The following ALG12 variants were observed in gnomAD, a reference collection of about 807,000 sequenced individuals.
ALG12 encodes the protein ALG12 alpha-1,6-mannosyltransferase.
ALG12 carries 36 observed loss-of-function variants against 46.0 expected under a neutral mutation model. The ratio of observed to expected loss-of-function variants is 0.78; its 90% confidence interval spans 0.60 to 1.03. ALG12 has a LOEUF of 1.03. Among genes scored for constraint, ALG12 ranks in the 50% least tolerant of loss-of-function variants. ALG12 has a pLI of 0.00. For missense variants in ALG12, 599 were observed against 633.5 expected (o/e 0.95, Z 0.58); for synonymous variants, 326 against 291.6 (o/e 1.12, Z -1.20).
chr22:49,875,418 C>CTTTTTTTTTTTTTTTTTTTTT, the ALG12 span, among the ~76,000 whole-genome samples: 2 of 145,174 alleles, frequency 1.4e-5, no homozygotes, highest in Non-Finnish European at 1.5e-5. Flanking sequence ...AATTTATTTT[C>CTTTTTTTTTTTTTTTTTTTTT]TTTTTTTTTT....
the ALG12 span, among the ~76,000 whole-genome samples, chr22:49,882,803 G>C: frequency 1.3e-5 from 2 of 152,228 alleles, no homozygotes; most frequent in Non-Finnish European, 2.9e-5. Context: ...GGCTGGAAGC[G>C]GTTTTCACCC....
downstream of ALG12, among the ~76,000 whole-genome samples, chr22:49,898,388 G>C (rs1387189301): frequency 6.6e-6 from 1 of 150,752 alleles, no homozygotes. Context: ...TCTCTTGAGT[G>C]ATTTTTTTCT....
chr22:49,913,851 A>G lies in ALG12; in HGVS notation c.-78-8T>C. The G allele has an allele frequency of 6.4e-7, 1 of 1,568,234 alleles. No homozygotes were observed. The highest frequency in any genetic ancestry group is 8.7e-7 in the Non-Finnish European group (1 of 1,147,944). The stretch of plus-strand genomic sequence containing the variant: ...ACTGCCACTCCACGCATGCTGGAAA[A>G]GTGGAAACAGATTCCTGAGGTTCGA... On this transcript the variant is annotated splice_region_variant and splice_polypyrimidine_tract_variant and intron_variant, in intron 1 of 9. Transcript: ENST00000330817.
At chr22:49,893,030 A>G in the ALG12 span, among the ~76,000 whole-genome samples, 1 of 152,244 alleles carries the variant, frequency 6.6e-6, no homozygotes, top group African/African-American at 2.4e-5. Context: ...GCTAATGCTG[A>G]AAAACACAAC....
In ALG12 at chr22:49,913,770, G is replaced by A. The variant is rs1245885071; in HGVS notation, c.-5C>T. The A allele has an allele frequency of 1.2e-6, 2 of 1,613,154 alleles. No homozygotes were observed. The highest frequency in any genetic ancestry group is 1.7e-6 in the Non-Finnish European group (2 of 1,180,036). On this transcript the variant is annotated 5_prime_UTR_variant, in exon 2 of 10. Coordinates refer to ENST00000330817, the MANE Select transcript of ALG12 (RefSeq NM_024105.4). ...TGATGACCCCTTTCCAGCCATTCCA[G>A]GCTTTCAGCTTCACGTACCTTCACA... is the stretch of plus-strand genomic sequence containing the variant.
chr22:49,889,594 T>TA, the ALG12 span: 1 of 167,144 alleles, frequency 6.0e-6, no homozygotes, highest in Non-Finnish European at 1.5e-5. Flanking sequence ...CAACAGAAAA[T>TA]ATGGCCCTTC....
chr22:49,910,731 G>T, intron 3 of ALG12, 124 bp from the exon 4 acceptor site: 1 of 1,180,442 alleles, frequency 8.5e-7, no homozygotes, highest in Non-Finnish European at 1.2e-6. Context: ...AATGCCAGCT[G>T]ACGGCTACGT....
chr22:49,916,954 G>A (rs2060613722), intron 1 of ALG12, among the ~76,000 whole-genome samples: 1 of 152,182 alleles, frequency 6.6e-6, no homozygotes, highest in African/African-American at 2.4e-5. Context: ...AACATTACGT[G>A]CTGACTCTGA....
the ALG12 span, among the ~76,000 whole-genome samples, chr22:49,869,343 T>A: frequency 6.6e-6 from 1 of 152,208 alleles, no homozygotes; most frequent in African/African-American, 2.4e-5. Context: ...GCCTACCTCG[T>A]ACCCGCGTGG....
chr22:49,883,463 A>G, the ALG12 span: 1 of 639,920 alleles, frequency 1.6e-6, no homozygotes, highest in Non-Finnish European at 2.4e-6. Context: ...ACTCTTGGAA[A>G]GCAGTGATCT....
intron 1 of ALG12, among the ~76,000 whole-genome samples, chr22:49,914,176 G>A (rs2060597321): frequency 6.6e-6 from 1 of 152,218 alleles, no homozygotes; most frequent in Non-Finnish European, 1.5e-5. Context: ...TCTGGCAGGA[G>A]AGTCAGCAAA....
At chr22:49,875,490 G>A in the ALG12 span, among the ~76,000 whole-genome samples, 1 of 146,924 alleles carries the variant, frequency 6.8e-6, no homozygotes, top group Non-Finnish European at 1.5e-5. Context: ...GCGCCATCTT[G>A]GCTCACTGCA....
chr22:49,881,327 G>A, the ALG12 span, among the ~76,000 whole-genome samples: 2 of 152,372 alleles, frequency 1.3e-5, no homozygotes, highest in African/African-American at 2.4e-5. Context: ...CTGCAGCCTG[G>A]GCGACAGAGT....
At chr22:49,862,848 C>T in the ALG12 span, among the ~76,000 whole-genome samples, 1 of 151,872 alleles carries the variant, frequency 6.6e-6, no homozygotes, top group Admixed American at 6.6e-5. Context: ...ATTACAGGTG[C>T]CCACCACCAC....
Position 49,903,750 on chromosome 22 carries a change from G to C in ALG12, c.*88C>G. On this transcript the variant is annotated 3_prime_UTR_variant, in exon 10 of 10. Coordinates refer to ENST00000330817, the MANE Select transcript of ALG12 (RefSeq NM_024105.4). ...GTCCTTTGACTTGCTTCTCTGAATT[G>C]TCATAATTGTGCTGGAATTGTGCCA... is the stretch of plus-strand genomic sequence containing the variant. 1 of 1,463,286 alleles carries C rather than the reference G, an allele frequency of 6.8e-7. No individual in the cohort carries two copies. The highest frequency in any genetic ancestry group is 1.1e-5 in the South Asian group (1 of 87,478). 90.6% of individuals were successfully genotyped at this position (1,463,286 alleles called of 1,614,324 possible).
intron 6 of ALG12, 148 bp downstream of exon 6, chr22:49,909,096 G>A (rs1407185685): frequency 4.7e-6 from 4 of 846,534 alleles, no homozygotes; most frequent in Non-Finnish European, 7.9e-6. Context: ...GCATTTCCCA[G>A]GAGCAAGTGG....
At chr22:49,908,214 G>A (rs1327328080) in intron 6 of ALG12, among the ~76,000 whole-genome samples, 1 of 152,180 alleles carries the variant, frequency 6.6e-6, no homozygotes, top group African/African-American at 2.4e-5. Context: ...TTCGGTCTCT[G>A]TACCCTTTTC....
the ALG12 span, among the ~76,000 whole-genome samples, chr22:49,892,136 C>T: frequency 5.2e-5 from 7 of 134,584 alleles, no homozygotes; most frequent in Admixed American, 2.6e-4. Flanking sequence ...TGCAGTAAGC[C>T]GAGATCGTGC....
intron 6 of ALG12, among the ~76,000 whole-genome samples, chr22:49,908,206 C>T (rs1380973041): frequency 6.6e-6 from 1 of 152,190 alleles, no homozygotes; most frequent in Non-Finnish European, 1.5e-5. Context: ...ACAGGACGTT[C>T]GGTCTCTGTA....
Sources: allele counts gnomAD v4.1 joint callset (sites outside exome capture counted in the v4.1 genomes callset), GRCh38; gene constraint gnomAD v4.1.1; transcripts MANE v1.5; gene names NCBI Gene and HGNC (gene_info 2026-07-23, HGNC 2026-07-21).